QTMAN: variants seen among roughly 807,000 people sequenced by gnomAD.
The protein encoded by QTMAN is queuosine-tRNA mannosyltransferase.
At chr2:143,947,324 G>A in the QTMAN span, among the ~76,000 whole-genome samples, 1 of 152,108 alleles carries the variant, frequency 6.6e-6, no homozygotes, top group Admixed American at 6.5e-5. Context: ...GGTCTAAAGT[G>A]TCGTTGTATT....
At chr2:144,128,702 A>G in the QTMAN span, among the ~76,000 whole-genome samples, 1 of 151,886 alleles carries the variant, frequency 6.6e-6, no homozygotes, top group Non-Finnish European at 1.5e-5. Flanking sequence ...ATCAGATAAC[A>G]GATTTGGATG....
At chr2:144,251,039 T>C in the QTMAN span, among the ~76,000 whole-genome samples, 2 of 152,134 alleles carry the variant, frequency 1.3e-5, no homozygotes, top group Non-Finnish European at 2.9e-5. Context: ...AATGAACTTA[T>C]AATGAGCCAT....
chr2:144,144,703 G>C, the QTMAN span, among the ~76,000 whole-genome samples: 5 of 151,804 alleles, frequency 3.3e-5, no homozygotes, highest in African/African-American at 9.7e-5. Context: ...TTCACAAAAT[G>C]CACACAACAC....
chr2:144,068,934 G>A, the QTMAN span, among the ~76,000 whole-genome samples: 3 of 152,156 alleles, frequency 2.0e-5, no homozygotes, highest in Admixed American at 1.3e-4. Context: ...GCATATTATC[G>A]CCCTTTATCA....
At chr2:144,074,158 C>T in the QTMAN span, among the ~76,000 whole-genome samples, 1 of 152,140 alleles carries the variant, frequency 6.6e-6, no homozygotes, top group Non-Finnish European at 1.5e-5. Flanking sequence ...TAAATATAAA[C>T]AATTATAAAA....
the QTMAN span, among the ~76,000 whole-genome samples, chr2:144,081,774 A>G: frequency 2.0e-5 from 3 of 152,202 alleles, no homozygotes; most frequent in South Asian, 6.2e-4. Flanking sequence ...TCTCTGAAAG[A>G]AGCCTGGGTC....
the QTMAN span, chr2:143,941,672 CTCTCA>C: frequency 1.4e-5 from 2 of 143,732 alleles, no homozygotes; most frequent in African/African-American, 5.4e-5. Context: ...CAGACTCTCT[CTCTCA>C]AAAAAAAAAA....
the QTMAN span, among the ~76,000 whole-genome samples, chr2:144,100,859 CTTTTTTTTTTTTTTTTTT>C: frequency 1.3e-5 from 1 of 77,920 alleles, no homozygotes; most frequent in Non-Finnish European, 2.4e-5. Context: ...GTCTTTCTTT[CTTTTTTTTTTTTTTTTTT>C]TTTTTTTTTT....
chr2:144,250,638 A>G, the QTMAN span, among the ~76,000 whole-genome samples: 17 of 152,056 alleles, frequency 1.1e-4, no homozygotes, highest in East Asian at 3.3e-3. Context: ...ATTACTTTAC[A>G]CTTACCAGAC....
the QTMAN span, among the ~76,000 whole-genome samples, chr2:143,969,798 A>T: frequency 1.3e-5 from 2 of 152,222 alleles, no homozygotes; most frequent in Admixed American, 6.5e-5. Context: ...CGGGCAAAAG[A>T]TGAGCCATAT....
At chr2:144,027,990 T>C in the QTMAN span, among the ~76,000 whole-genome samples, 1 of 152,166 alleles carries the variant, frequency 6.6e-6, no homozygotes, top group Non-Finnish European at 1.5e-5. Flanking sequence ...GTATCTAAAC[T>C]CCTTCGACCA....
At chr2:144,149,438 G>T in the QTMAN span, among the ~76,000 whole-genome samples, 1 of 152,004 alleles carries the variant, frequency 6.6e-6, no homozygotes, top group South Asian at 2.1e-4. Flanking sequence ...TACAATCACT[G>T]TATAAGCTGG....
At chr2:144,214,873 T>C in the QTMAN span, among the ~76,000 whole-genome samples, 1 of 152,238 alleles carries the variant, frequency 6.6e-6, no homozygotes, top group African/African-American at 2.4e-5. Context: ...GCATCTTATA[T>C]GTATTTGTGA....
the QTMAN span, chr2:144,294,545 A>G: frequency 3.9e-5 from 6 of 152,240 alleles, no homozygotes; most frequent in African/African-American, 9.6e-5. Context: ...CCATAGGTTG[A>G]TAATTATTGA....
the QTMAN span, among the ~76,000 whole-genome samples, chr2:144,322,220 A>G: frequency 6.6e-6 from 1 of 152,194 alleles, no homozygotes; most frequent in African/African-American, 2.4e-5. Flanking sequence ...TTAAAGAAAG[A>G]GTTTTCAATC....
chr2:144,027,823 A>G, the QTMAN span, among the ~76,000 whole-genome samples: 1 of 152,210 alleles, frequency 6.6e-6, no homozygotes, highest in East Asian at 1.9e-4. Context: ...AGGGCTTTAA[A>G]GTTAGTTAAT....
the QTMAN span, among the ~76,000 whole-genome samples, chr2:144,284,266 T>G: frequency 6.6e-6 from 1 of 151,726 alleles, no homozygotes; most frequent in Non-Finnish European, 1.5e-5. Context: ...TGGAAAAAAA[T>G]CAAAATAAAG....
the QTMAN span, among the ~76,000 whole-genome samples, chr2:143,985,229 C>T: frequency 3.3e-5 from 5 of 152,228 alleles, no homozygotes; most frequent in African/African-American, 4.8e-5. Context: ...TCCCACACCC[C>T]CTGGCTTGTG....
At chr2:144,114,685 T>TACAAAACAAAACAAAACAAAACAAA in the QTMAN span, among the ~76,000 whole-genome samples, 5 of 149,710 alleles carry the variant, frequency 3.3e-5, no homozygotes, top group African/African-American at 9.8e-5. Context: ...GTGCCCACAC[T>TACAAAACAAAACAAAACAAAACAAA]ACAAAACAAA....
Sources: gnomAD v4.1 joint callset for allele counts (sites outside exome capture counted in the v4.1 genomes callset) on GRCh38, gnomAD v4.1.1 for gene constraint, MANE v1.5 for transcripts, NCBI Gene and HGNC (gene_info 2026-07-23, HGNC 2026-07-21) for gene names.